Variants in SORCS2 observed in about 807,000 individuals in gnomAD.
The protein encoded by SORCS2 is sortilin related VPS10 domain containing receptor 2.
SORCS2 carries 100 observed loss-of-function variants against 141.6 expected under a neutral mutation model. The observed-to-expected ratio is 0.71, with a 90% CI of 0.60 to 0.83. The LOEUF (loss-of-function observed/expected upper bound fraction) is 0.83. Among genes scored for constraint, SORCS2 ranks in the 40% least tolerant of loss-of-function variants. SORCS2 has a pLI of 0.00. For missense variants in SORCS2, 1,646 were observed against 1,560.2 expected (o/e 1.05, Z -0.93); for synonymous variants, 789 against 676.9 (o/e 1.17, Z -2.57).
chr4:7,239,644 C>CG (rs1331513243), intron 1 of SORCS2, among the ~76,000 whole-genome samples: 30 of 152,166 alleles, frequency 2.0e-4, no homozygotes, highest in Non-Finnish European at 2.8e-4. Flanking sequence ...CCGGCTGGGT[C>CG]GCTGGGCGAG....
At chr4:7,389,874 G>T (rs984504706) in intron 1 of SORCS2, among the ~76,000 whole-genome samples, 11 of 152,174 alleles carry the variant, frequency 7.2e-5, no homozygotes, top group South Asian at 2.1e-4. Flanking sequence ...GGGATGGGAG[G>T]AGCCCCGGCT....
At chr4:7,688,147 G>T (rs1287309243) in intron 10 of SORCS2, among the ~76,000 whole-genome samples, 4 of 152,188 alleles carry the variant, frequency 2.6e-5, no homozygotes, top group African/African-American at 9.7e-5. Context: ...TGGGCCAGAA[G>T]AAAGTGTTAT....
At chr4:7,639,751 A>G (rs750784739) in intron 4 of SORCS2, among the ~76,000 whole-genome samples, 19 of 142,404 alleles carry the variant, frequency 1.3e-4, no homozygotes, top group Non-Finnish European at 2.5e-4. Context: ...CTGTGAATGT[A>G]TGAGTGTATG....
intron 2 of SORCS2, among the ~76,000 whole-genome samples, chr4:7,485,831 G>T (rs1433324704): frequency 6.6e-6 from 1 of 152,170 alleles, no homozygotes; most frequent in Non-Finnish European, 1.5e-5. Flanking sequence ...AGGATGCCAG[G>T]GTGAAAGGAA....
intron 6 of SORCS2, among the ~76,000 whole-genome samples, chr4:7,662,796 T>C (rs1722260456): frequency 6.6e-6 from 1 of 150,828 alleles, no homozygotes; most frequent in African/African-American, 2.4e-5. Context: ...GGGTTGTTTA[T>C]ACCACAGAAA....
At chr4:7,696,389 G>T (rs1396772953) in intron 11 of SORCS2, among the ~76,000 whole-genome samples, 4 of 152,200 alleles carry the variant, frequency 2.6e-5, no homozygotes, top group Non-Finnish European at 5.9e-5. Flanking sequence ...ATGCTGGTTA[G>T]GGTGGGCCAG....
chr4:7,540,455 G>A (rs921274463), intron 3 of SORCS2, among the ~76,000 whole-genome samples: 2 of 152,154 alleles, frequency 1.3e-5, no homozygotes, highest in Non-Finnish European at 2.9e-5. Context: ...CTTTGCCACC[G>A]CCTGTGCTTT....
intron 26 of SORCS2, among the ~76,000 whole-genome samples, chr4:7,737,579 T>C (rs1253149098): frequency 6.6e-6 from 1 of 152,130 alleles, no homozygotes. Context: ...TTCACTGCAG[T>C]GGTGATCTAG....
intron 1 of SORCS2, among the ~76,000 whole-genome samples, chr4:7,252,104 G>A (rs1031835600): frequency 6.6e-6 from 1 of 152,214 alleles, no homozygotes; most frequent in Non-Finnish European, 1.5e-5. Context: ...ACCACCCTCA[G>A]CAGTGAGCCC....
chr4:7,596,170 A>G (rs1472390813), intron 3 of SORCS2, among the ~76,000 whole-genome samples: 1 of 152,210 alleles, frequency 6.6e-6, no homozygotes, highest in African/African-American at 2.4e-5. Context: ...GGCAGAAATA[A>G]GTATACGATA....
At chr4:7,464,447 G>A (rs908052062) in intron 2 of SORCS2, among the ~76,000 whole-genome samples, 1 of 152,210 alleles carries the variant, frequency 6.6e-6, no homozygotes, top group African/African-American at 2.4e-5. Flanking sequence ...TGGAGGGCTG[G>A]TGGGAGCGGT....
intron 1 of SORCS2, among the ~76,000 whole-genome samples, chr4:7,368,054 C>T (rs1722012130): frequency 6.6e-6 from 1 of 152,144 alleles, no homozygotes; most frequent in South Asian, 2.1e-4. Context: ...CCATAAGCTC[C>T]TTTTTTTACA....
intron 2 of SORCS2, among the ~76,000 whole-genome samples, chr4:7,410,543 T>A (rs772794070): frequency 7.2e-5 from 11 of 152,156 alleles, no homozygotes; most frequent in Non-Finnish European, 1.3e-4. Flanking sequence ...CAGCAGACAA[T>A]GCGTGTAAAA....
At chr4:7,642,307 A>G (rs758130656) in intron 4 of SORCS2, among the ~76,000 whole-genome samples, 9 of 152,252 alleles carry the variant, frequency 5.9e-5, no homozygotes, top group Non-Finnish European at 1.3e-4. Flanking sequence ...TTAGCCTTCC[A>G]TGTAATTAGA....
chr4:7,443,221 C>A (rs1189329296), intron 2 of SORCS2, among the ~76,000 whole-genome samples: 3 of 152,204 alleles, frequency 2.0e-5, no homozygotes. Context: ...GGCACAGTTC[C>A]ACCCTCCACT....
In SORCS2 at chr4:7,328,168, G is replaced by A. The variant is rs539331074; in HGVS notation, c.481-68120G>A. On this transcript the variant is annotated intron_variant, in intron 1 of 26. Coordinates refer to ENST00000507866, the MANE Select transcript of SORCS2 (RefSeq NM_020777.3). ...AGCCTCCGGAGTAGCTGGGATTACA[G>A]GCACCCACCACCATGCCTGGCTAAT... Among the ~76,000 whole-genome samples the A allele has an allele frequency of 7.9e-5, 12 of 151,276 alleles. No homozygotes were observed. The South Asian group carries it at 2.3e-3, about 29-fold the overall frequency.
intron 1 of SORCS2, among the ~76,000 whole-genome samples, chr4:7,316,303 CA>C (rs1198240607): frequency 3.9e-5 from 6 of 152,182 alleles, no homozygotes; most frequent in South Asian, 2.1e-4. Flanking sequence ...TCCAAACAAA[CA>C]AAAAAAATTT....
At chr4:7,686,098 T>C (rs907192267) in intron 10 of SORCS2, among the ~76,000 whole-genome samples, 1 of 152,214 alleles carries the variant, frequency 6.6e-6, no homozygotes, top group Admixed American at 6.5e-5. Context: ...GAACTCTGGG[T>C]CACAAATCTT....
chr4:7,532,101 C>T (rs1439627511), intron 3 of SORCS2, among the ~76,000 whole-genome samples: 1 of 152,196 alleles, frequency 6.6e-6, no homozygotes, highest in African/African-American at 2.4e-5. Context: ...CCTGACTTTG[C>T]TCTCTGGCTG....
Sources: allele counts gnomAD v4.1 joint callset (sites outside exome capture counted in the v4.1 genomes callset), GRCh38; gene constraint gnomAD v4.1.1; transcripts MANE v1.5; gene names NCBI Gene and HGNC (gene_info 2026-07-23, HGNC 2026-07-21).